Variants in CSMD3 observed in about 807,000 individuals in gnomAD.
CSMD3 encodes the protein CUB and Sushi multiple domains 3, also known as CUB and sushi domain-containing protein 3.
Under a neutral mutation model 435.2 loss-of-function variants are expected in CSMD3, and 177 were observed. That is an observed-to-expected ratio of 0.41 (90% CI 0.36 to 0.46). The LOEUF (loss-of-function observed/expected upper bound fraction) is 0.46. Ranked by LOEUF, CSMD3 falls within the 20% of genes least tolerant of loss-of-function variation. CSMD3 has a pLI of 0.34. For missense variants in CSMD3, 4,265 were observed against 4,504.6 expected, an observed-to-expected ratio of 0.95 and a Z score of 1.52; for synonymous variants, 1,656 against 1,520.5, an observed-to-expected ratio of 1.09 and a Z score of -2.07.
At chr8:113,265,463 T>A (rs1302785513) in intron 3 of CSMD3, among the ~76,000 whole-genome samples, 2 of 151,614 alleles carry the variant, frequency 1.3e-5, no homozygotes, top group Admixed American at 6.6e-5. Context: ...GTACAGGTTG[T>A]GTATGCTACA....
intron 1 of CSMD3, among the ~76,000 whole-genome samples, chr8:113,397,752 A>G (rs1329257124): frequency 6.6e-6 from 1 of 151,924 alleles, no homozygotes; most frequent in East Asian, 1.9e-4. Context: ...CGGTAGGCGG[A>G]GCTTGCAGTG....
chr8:113,179,469 T>C (rs144279821), intron 3 of CSMD3, among the ~76,000 whole-genome samples: 344 of 151,846 alleles, frequency 2.3e-3, no homozygotes, highest in African/African-American at 7.9e-3. Flanking sequence ...TAAAATTCAA[T>C]TGCTCCTCTC....
At chr8:113,276,263 T>C (rs1010370281) in intron 3 of CSMD3, among the ~76,000 whole-genome samples, 2 of 152,122 alleles carry the variant, frequency 1.3e-5, no homozygotes, top group Non-Finnish European at 2.9e-5. Context: ...ATGCGGAGAT[T>C]AGCATTCATT....
At position 112,870,970 on chromosome 8, in the gene CSMD3, C is replaced by G. The variant is rs191374531; in HGVS notation, c.1634-11704G>C. Among the ~76,000 whole-genome samples the G allele has an allele frequency of 4.6e-4, 70 of 152,296 alleles. 1 individual carries two copies. Among genetic ancestry groups the G allele is most frequent in the Admixed American group, 4.2e-3 (65 of 15,296 alleles). On this transcript the variant is annotated intron_variant, in intron 10 of 70. Transcript: ENST00000297405. ...ATTTTATTTCCATCTCCCCCCACCA[C>G]TCCCCAGTAATTTCGGAGTTTTTCT...
intron 10 of CSMD3, among the ~76,000 whole-genome samples, chr8:112,888,386 A>AG (rs1488407767): frequency 6.6e-6 from 1 of 151,644 alleles, no homozygotes; most frequent in African/African-American, 2.4e-5. Flanking sequence ...AGGAGGCCCC[A>AG]CAAAATTACC....
intron 5 of CSMD3, among the ~76,000 whole-genome samples, chr8:113,094,206 C>T (rs2090093822): frequency 6.6e-6 from 1 of 152,132 alleles, no homozygotes; most frequent in Non-Finnish European, 1.5e-5. Flanking sequence ...CACTCATTCC[C>T]TAACTTTAGT....
At chr8:112,526,700 T>C (rs1027895242) in intron 27 of CSMD3, among the ~76,000 whole-genome samples, 7 of 152,036 alleles carry the variant, frequency 4.6e-5, no homozygotes, top group Admixed American at 3.9e-4. Context: ...AAATTTTAAT[T>C]TGTGGCCTTT....
At chr8:112,693,607 G>A (rs867027609) in intron 13 of CSMD3, among the ~76,000 whole-genome samples, 1 of 151,800 alleles carries the variant, frequency 6.6e-6, no homozygotes, top group African/African-American at 2.4e-5. Context: ...CAGACTTGCT[G>A]TTTTTAAATA....
At chr8:113,249,777 T>A (rs756995867) in intron 3 of CSMD3, among the ~76,000 whole-genome samples, 3 of 151,984 alleles carry the variant, frequency 2.0e-5, no homozygotes, top group East Asian at 3.9e-4. Flanking sequence ...ACTCTTGCCA[T>A]AAGTCTTTGT....
At chr8:113,302,535 G>T (rs1364121459) in intron 2 of CSMD3, among the ~76,000 whole-genome samples, 1 of 150,844 alleles carries the variant, frequency 6.6e-6, no homozygotes, top group African/African-American at 2.4e-5. Flanking sequence ...TTTTATTTAC[G>T]AGCTCATATT....
chr8:113,340,468 A>G (rs888074609), intron 1 of CSMD3, among the ~76,000 whole-genome samples: 2 of 152,154 alleles, frequency 1.3e-5, no homozygotes, highest in Non-Finnish European at 2.9e-5. Context: ...ATGTAGACTT[A>G]TATTGTGCCT....
intron 6 of CSMD3, among the ~76,000 whole-genome samples, chr8:113,010,079 A>G (rs2086202117): frequency 6.6e-6 from 1 of 151,758 alleles, no homozygotes; most frequent in Non-Finnish European, 1.5e-5. Flanking sequence ...GTTGTTTTAA[A>G]TTAACAAAAT....
chr8:112,490,875 C>G (rs147636153), intron 31 of CSMD3, among the ~76,000 whole-genome samples: 167 of 152,028 alleles, frequency 1.1e-3, no homozygotes, highest in African/African-American at 3.9e-3. Flanking sequence ...ACTTCCATGC[C>G]ATCAATCACT....
At chr8:112,969,761 C>T (rs1422512977) in intron 7 of CSMD3, among the ~76,000 whole-genome samples, 2 of 152,028 alleles carry the variant, frequency 1.3e-5, no homozygotes, top group African/African-American at 4.8e-5. Flanking sequence ...TGCTCTTTAA[C>T]AGCTGATAGG....
chr8:113,422,181 G>A (rs2094611849), intron 1 of CSMD3, among the ~76,000 whole-genome samples: 1 of 152,068 alleles, frequency 6.6e-6, no homozygotes, highest in African/African-American at 2.4e-5. Context: ...GTCTCTTTTT[G>A]TGGTGCTTCC....
Position 112,310,977 on chromosome 8 carries a change from C to T in CSMD3, c.7885+1G>A, listed in dbSNP as rs2130812282. On this transcript the variant is annotated splice_donor_variant, in intron 50 of 70. Transcript: ENST00000297405. LOFTEE classifies it high-confidence loss of function. The stretch of plus-strand genomic sequence containing the variant: ...GTTCATTTTGGCATAATATACTTCA[C>T]CTTGACAGGCAGGGACTGGCGCATC... 6.2e-7 allele frequency: 1 copy of T among 1,613,450 alleles called. No individual in the cohort carries two copies. The highest frequency in any genetic ancestry group is 8.5e-7 in the Non-Finnish European group (1 of 1,179,464).
At chr8:112,263,373 A>C (rs531009792) in intron 61 of CSMD3, among the ~76,000 whole-genome samples, 90 of 152,296 alleles carry the variant, frequency 5.9e-4, no homozygotes, top group African/African-American at 2.0e-3. Flanking sequence ...ATTTTCCAGC[A>C]GTAGAATAAA....
intron 43 of CSMD3, 79 bp downstream of exon 43, chr8:112,337,464 G>A (rs931813499): frequency 5.8e-5 from 62 of 1,076,518 alleles, no homozygotes; most frequent in Admixed American, 5.0e-4. Flanking sequence ...ATTGGAAGAG[G>A]AAGACAAGTA....
At chr8:112,661,699 T>C (rs1387636719) in intron 17 of CSMD3, among the ~76,000 whole-genome samples, 1 of 152,202 alleles carries the variant, frequency 6.6e-6, no homozygotes, top group Non-Finnish European at 1.5e-5. Flanking sequence ...GCTTATATAG[T>C]ATTTTAAAAC....
Sources: allele counts gnomAD v4.1 joint callset (sites outside exome capture counted in the v4.1 genomes callset), GRCh38; gene constraint gnomAD v4.1.1; transcripts MANE v1.5; gene names NCBI Gene and HGNC (gene_info 2026-07-23, HGNC 2026-07-21).